The following ANKRD36C variants were observed in gnomAD, a reference collection of about 807,000 sequenced individuals.
The protein encoded by ANKRD36C is ankyrin repeat domain 36C.
Under a neutral mutation model 276.4 loss-of-function variants are expected in ANKRD36C, and 61 were observed. That is an observed-to-expected ratio of 0.22 (90% CI 0.18 to 0.27). The LOEUF (loss-of-function observed/expected upper bound fraction) is 0.27. ANKRD36C is among the 10% of genes least tolerant of loss of function. The pLI, the probability that ANKRD36C is intolerant of heterozygous loss-of-function variation, is 1.00. For synonymous variants in ANKRD36C, 483 were observed against 680.1 expected (o/e 0.71, Z 4.51); for missense variants, 1,447 against 2,032.3 (o/e 0.71, Z 5.54).
Position 95,929,283 on chromosome 2 carries a change from G to T in ANKRD36C, c.1736-16C>A, listed in dbSNP as rs538687438. Reference sequence around the variant, plus strand: ...TGAGAAGACACTGAAAAGCAAAAGGGATACATAATCAATCATATGTAAATA... The same window carrying T: ...TGAGAAGACACTGAAAAGCAAAAGGTATACATAATCAATCATATGTAAATA... On this transcript the variant is annotated splice_polypyrimidine_tract_variant and intron_variant, in intron 24 of 66. Transcript: ENST00000456556. 140 of 1,591,204 alleles carry T rather than the reference G, an allele frequency of 8.8e-5. No homozygotes were observed. The East Asian group carries it at 3.1e-3, about 35-fold the overall frequency.
intron 16 of ANKRD36C, among the ~76,000 whole-genome samples, chr2:95,950,123 A>T (rs1400898085): frequency 6.6e-6 from 1 of 152,288 alleles, no homozygotes; most frequent in African/African-American, 2.4e-5. Context: ...AATATAGTTA[A>T]CATAACATGG....
At chr2:95,902,084 T>C (rs970973123) in intron 42 of ANKRD36C, among the ~76,000 whole-genome samples, 1 of 148,752 alleles carries the variant, frequency 6.7e-6, no homozygotes, top group Non-Finnish European at 1.5e-5. Context: ...CGTGTTATTC[T>C]CTAAAGAAGT....
intron 20 of ANKRD36C, among the ~76,000 whole-genome samples, chr2:95,940,190 C>G (rs77115132): frequency 1.4e-5 from 2 of 145,432 alleles, no homozygotes; most frequent in South Asian, 4.4e-4. Context: ...GCCTGGCTAA[C>G]TTTTTGTATT....
At chr2:95,923,463 A>C (rs775041129) in intron 32 of ANKRD36C, 32 bp downstream of exon 32, 2 of 1,606,184 alleles carry the variant, frequency 1.2e-6, no homozygotes, top group African/African-American at 2.7e-5. Context: ...ATCTGGACTG[A>C]ACATGACATT....
chr2:95,921,502 A>T, intron 34 of ANKRD36C, 105 bp downstream of exon 34: 1 of 1,447,296 alleles, frequency 6.9e-7, no homozygotes, highest in Non-Finnish European at 9.3e-7. Context: ...CAGAATGTGC[A>T]GCTTCGGCGA....
rs1226959798 is a variant in ANKRD36C at position 95,897,691 on chromosome 2, G to C, written c.2755+1454C>G. On this transcript the variant is annotated intron_variant, in intron 44 of 66. Coordinates refer to ENST00000456556, the Ensembl canonical transcript of ANKRD36C. The stretch of plus-strand genomic sequence containing the variant: ...TAGAATTTCAAACATGGTATGATTT[G>C]TCATATGCCAAAAACTAAAATAAAA... Among the ~76,000 whole-genome samples, 2 of 144,342 alleles carry C rather than the reference G, an allele frequency of 1.4e-5. 1 individual carries two copies. Among genetic ancestry groups the C allele is most frequent in the Non-Finnish European group, 3.1e-5 (2 of 64,548 alleles). The allele number at this position is 144,342 out of a possible 152,430, so 94.7% of individuals were successfully genotyped here.
rs576725550 is a variant in ANKRD36C at position 95,865,833 on chromosome 2, C to A, written c.3682+1607G>T. ...CTGTATAAAGAAAGTCAAATTCAGA[C>A]AATCCCCAACTTAAGGTGGTTTGAC... On this transcript the variant is annotated intron_variant, in intron 60 of 66. Coordinates refer to ENST00000456556, the Ensembl canonical transcript of ANKRD36C. 6.3e-3 allele frequency among the ~76,000 whole-genome samples: 957 copies of A among 152,180 alleles called. 4 individuals are homozygous for A. The highest frequency in any genetic ancestry group is 0.011 in the Non-Finnish European group (717 of 67,938).
intron 36 of ANKRD36C, among the ~76,000 whole-genome samples, chr2:95,917,620 T>C (rs929603184): frequency 6.6e-6 from 1 of 151,550 alleles, no homozygotes; most frequent in Non-Finnish European, 1.5e-5. Context: ...TCCATATTTC[T>C]TCTTCCCAAT....
intron 8 of ANKRD36C, 29 bp downstream of exon 8, chr2:95,962,323 C>T: frequency 6.5e-7 from 1 of 1,545,876 alleles, no homozygotes; most frequent in Non-Finnish European, 8.7e-7. Flanking sequence ...CCTGAGTGAA[C>T]ATGACATTAG....
At chr2:95,856,890 A>G (rs1171225749) in intron 62 of ANKRD36C, among the ~76,000 whole-genome samples, 1 of 152,200 alleles carries the variant, frequency 6.6e-6, no homozygotes, top group African/African-American at 2.4e-5. Context: ...ACATACAAAA[A>G]TAATCTTTTA....
At chr2:95,911,570 A>T (rs1384037342) in intron 42 of ANKRD36C, among the ~76,000 whole-genome samples, 1 of 151,514 alleles carries the variant, frequency 6.6e-6, no homozygotes, top group Non-Finnish European at 1.5e-5. Context: ...TGTATCTCTG[A>T]TGCCTAATAG....
At chr2:95,927,682 A>G (rs1677445316) in intron 26 of ANKRD36C, among the ~76,000 whole-genome samples, 1 of 151,656 alleles carries the variant, frequency 6.6e-6, no homozygotes, top group Non-Finnish European at 1.5e-5. Context: ...ATCAATGTGG[A>G]TATGCCGAGT....
chr2:95,894,471 T>A (rs1676475601), intron 44 of ANKRD36C, among the ~76,000 whole-genome samples: 1 of 151,518 alleles, frequency 6.6e-6, no homozygotes, highest in African/African-American at 2.4e-5. Flanking sequence ...GCTACAAGCA[T>A]TAGATATTGA....
At chr2:95,856,909 C>T (rs1454581261) in intron 62 of ANKRD36C, among the ~76,000 whole-genome samples, 3 of 152,086 alleles carry the variant, frequency 2.0e-5, no homozygotes, top group Non-Finnish European at 2.9e-5. Context: ...TATTTCAAGA[C>T]ACCAAAAGTC....
chr2:95,929,433 T>C lies in ANKRD36C; in HGVS notation c.1736-166A>G, dbSNP rs1573775407. Among the ~76,000 whole-genome samples the C allele has an allele frequency of 2.0e-5, 3 of 151,380 alleles. No homozygotes were observed. In the East Asian group the frequency reaches 5.8e-4, roughly 29 times the overall value. ...TTCTTGGGACTAAACATGAAGGAAA[T>C]ACACTGAAGAAAATAGGAATACAGG... On this transcript the variant is annotated intron_variant, in intron 24 of 66. Coordinates refer to ENST00000456556, the Ensembl canonical transcript of ANKRD36C.
chr2:95,917,680 C>T (rs1677141498), intron 36 of ANKRD36C, among the ~76,000 whole-genome samples, 175 bp downstream of exon 38: 1 of 151,546 alleles, frequency 6.6e-6, no homozygotes, highest in Non-Finnish European at 1.5e-5. Context: ...CGTTCCAAGC[C>T]AGCAGCATTA....
Position 95,897,029 on chromosome 2 carries a change from G to A in ANKRD36C, c.2755+2116C>T, listed in dbSNP as rs1310868014. Among the ~76,000 whole-genome samples, 2 of 149,216 alleles carry A rather than the reference G, an allele frequency of 1.3e-5. 1 individual carries two copies. The highest frequency in any genetic ancestry group is 3.0e-5 in the Non-Finnish European group (2 of 66,772). Reference sequence around the variant, plus strand: ...TGTTCCCCAGAGCCCCTTATGCCTTGAACTGCTCTCCATATTTCTTCTTCC... The same window carrying A: ...TGTTCCCCAGAGCCCCTTATGCCTTAAACTGCTCTCCATATTTCTTCTTCC... On this transcript the variant is annotated intron_variant, in intron 44 of 66. Transcript: ENST00000456556.
At chr2:95,859,614 T>C (rs992434049) in intron 61 of ANKRD36C, among the ~76,000 whole-genome samples, 9 of 152,134 alleles carry the variant, frequency 5.9e-5, no homozygotes, top group African/African-American at 1.7e-4. Flanking sequence ...AATAATGAGA[T>C]TTCCAAAGGG....
At chr2:95,948,362 A>C (rs536372469) in intron 17 of ANKRD36C, among the ~76,000 whole-genome samples, 168 bp downstream of exon 17, 4 of 152,388 alleles carry the variant, frequency 2.6e-5, no homozygotes, top group Admixed American at 2.6e-4. Context: ...CAAAGTAAAA[A>C]AAAATTAAAA....
Sources: allele counts gnomAD v4.1 joint callset (sites outside exome capture counted in the v4.1 genomes callset), GRCh38; gene constraint gnomAD v4.1.1; transcripts MANE v1.5; gene names NCBI Gene and HGNC (gene_info 2026-07-23, HGNC 2026-07-21).